SAXO1: variants seen among roughly 807,000 people sequenced by gnomAD.
The protein encoded by SAXO1 is stabilizer of axonemal microtubules 1.
Under a neutral mutation model 17.5 loss-of-function variants are expected in SAXO1, and 21 were observed. That is an observed-to-expected ratio of 1.20 (90% CI 0.85 to 1.72). The LOEUF (loss-of-function observed/expected upper bound fraction) is 1.72. SAXO1 is among the 40% of genes most tolerant of loss of function. The pLI is 0.00. For synonymous variants in SAXO1, 274 were observed against 216.5 expected (o/e 1.27, Z -2.33); for missense variants, 843 against 596.0 (o/e 1.41, Z -4.32).
intron 1 of SAXO1, among the ~76,000 whole-genome samples, chr9:19,029,011 G>A (rs1835640396): frequency 1.3e-5 from 2 of 152,086 alleles, no homozygotes; most frequent in East Asian, 1.9e-4. Flanking sequence ...GGTTTAACCC[G>A]CAGTGAGAAT....
At chr9:19,024,391 A>G (rs370378996) in intron 1 of SAXO1, among the ~76,000 whole-genome samples, 3 of 151,126 alleles carry the variant, frequency 2.0e-5, no homozygotes, top group Admixed American at 6.6e-5. Flanking sequence ...GAACTGAACA[A>G]TGAGAACACA....
chr9:18,971,722 T>C (rs1832949536), intron 1 of SAXO1, among the ~76,000 whole-genome samples: 1 of 152,212 alleles, frequency 6.6e-6, no homozygotes, highest in African/African-American at 2.4e-5. Context: ...TTGTCTCTGA[T>C]TTCACTAATG....
chr9:19,030,982 A>T lies in SAXO1; in HGVS notation c.38+1889T>A, dbSNP rs968911752. On this transcript the variant is annotated intron_variant, in intron 1 of 3. Coordinates refer to ENST00000380534, the MANE Select transcript of SAXO1 (RefSeq NM_153707.4). ...GGAGGAGAAAATACAGGATGAGGAGAGAAGAAAAGGAGAAGAGACACAAGA... is the reference window on the plus strand; with the variant it reads ...GGAGGAGAAAATACAGGATGAGGAGTGAAGAAAAGGAGAAGAGACACAAGA... Among the ~76,000 whole-genome samples, 14 of 152,214 alleles carry T rather than the reference A, an allele frequency of 9.2e-5. 1 individual carries two copies. Among genetic ancestry groups the T allele is most frequent in the Admixed American group, 6.5e-4 (10 of 15,290 alleles).
At chr9:18,933,482 G>C (rs1311294267) in intron 3 of SAXO1, among the ~76,000 whole-genome samples, 1 of 152,168 alleles carries the variant, frequency 6.6e-6, no homozygotes, top group Admixed American at 6.5e-5. Context: ...ACATTTACCA[G>C]TATGCTTTAC....
intron 1 of SAXO1, among the ~76,000 whole-genome samples, chr9:18,973,408 C>T (rs766770987): frequency 6.6e-5 from 10 of 152,222 alleles, no homozygotes; most frequent in Non-Finnish European, 1.3e-4. Context: ...CAGGACACTG[C>T]ATGCCAAGTG....
At chr9:18,996,889 G>C (rs1297879312) in intron 1 of SAXO1, among the ~76,000 whole-genome samples, 1 of 152,118 alleles carries the variant, frequency 6.6e-6, no homozygotes, top group Non-Finnish European at 1.5e-5. Flanking sequence ...AATTGGAAAG[G>C]AAGAGGTAAA....
At chr9:19,011,875 C>G (rs1834749773) in intron 1 of SAXO1, among the ~76,000 whole-genome samples, 1 of 131,536 alleles carries the variant, frequency 7.6e-6, no homozygotes, top group African/African-American at 2.8e-5. Context: ...GAGATGGAGT[C>G]TCATTCTGTC....
At chr9:18,981,832 C>G (rs563518479) in intron 1 of SAXO1, among the ~76,000 whole-genome samples, 2 of 152,288 alleles carry the variant, frequency 1.3e-5, no homozygotes, top group Admixed American at 1.3e-4. Flanking sequence ...AAGGGCCCAC[C>G]GTAAGTGCCA....
At chr9:18,931,277 C>T (rs940558483) in intron 3 of SAXO1, among the ~76,000 whole-genome samples, 1 of 152,154 alleles carries the variant, frequency 6.6e-6, no homozygotes, top group African/African-American at 2.4e-5. Context: ...CAATATGTAG[C>T]GTTTTGCATC....
chr9:18,974,798 C>G (rs1255412025), intron 1 of SAXO1, among the ~76,000 whole-genome samples: 2 of 152,154 alleles, frequency 1.3e-5, no homozygotes, highest in African/African-American at 4.8e-5. Flanking sequence ...TAAGCCATCA[C>G]CATTTGGCAA....
At chr9:19,002,280 A>G (rs1012063595) in intron 1 of SAXO1, among the ~76,000 whole-genome samples, 5 of 152,192 alleles carry the variant, frequency 3.3e-5, no homozygotes, top group African/African-American at 1.2e-4. Context: ...AAAGTCCAGG[A>G]CCAGATGGAT....
chr9:18,950,052 T>G (rs1831967114), intron 2 of SAXO1, among the ~76,000 whole-genome samples: 1 of 151,978 alleles, frequency 6.6e-6, no homozygotes, highest in Non-Finnish European at 1.5e-5. Context: ...AACTGAGTTG[T>G]CCATGGCAGA....
chr9:19,045,166 C>T (rs1836177694), intron 1 of SAXO1, among the ~76,000 whole-genome samples: 1 of 148,296 alleles, frequency 6.7e-6, no homozygotes, highest in Non-Finnish European at 1.5e-5. Flanking sequence ...AAAAATTAGC[C>T]GGGCGCGGTG....
At chr9:19,023,808 GGAAAGGAAA>G (rs1407544518) in intron 1 of SAXO1, among the ~76,000 whole-genome samples, 4 of 151,412 alleles carry the variant, frequency 2.6e-5, no homozygotes, top group Non-Finnish European at 4.4e-5. Context: ...AGGAAAGCAA[GGAAAGGAAA>G]GAAAGGAAGG....
chr9:18,945,429 T>G (rs1390302060), intron 2 of SAXO1, among the ~76,000 whole-genome samples: 2 of 152,234 alleles, frequency 1.3e-5, no homozygotes, highest in African/African-American at 4.8e-5. Context: ...TGTCAGTTGA[T>G]TTGATTGACT....
upstream of SAXO1, among the ~76,000 whole-genome samples, chr9:19,035,983 T>G (rs1411164686): frequency 6.6e-6 from 1 of 152,012 alleles, no homozygotes; most frequent in Non-Finnish European, 1.5e-5. Flanking sequence ...AAGAAAAACC[T>G]TCTCAGCAAA....
At position 18,928,039 on chromosome 9, in the gene SAXO1, C is replaced by G; in HGVS notation, c.*13G>C. ...AAAGTACTGTGTAATTTCTAAATTACTATTTTTCAAAATCAGGCTAACACT... is the reference window on the plus strand; with the variant it reads ...AAAGTACTGTGTAATTTCTAAATTAGTATTTTTCAAAATCAGGCTAACACT... On this transcript the variant is annotated 3_prime_UTR_variant, in exon 4 of 4. Transcript: ENST00000380534. 6.5e-7 allele frequency: 1 copy of G among 1,548,154 alleles called. No homozygotes were observed. The highest frequency in any genetic ancestry group is 8.7e-7 in the Non-Finnish European group (1 of 1,144,528).
At chr9:19,044,955 G>A (rs996422967) in intron 1 of SAXO1, among the ~76,000 whole-genome samples, 3 of 152,088 alleles carry the variant, frequency 2.0e-5, no homozygotes, top group Non-Finnish European at 2.9e-5. Context: ...TCAAGAATCG[G>A]TAGCATCAGT....
chr9:18,951,066 C>A (rs1832018401), intron 1 of SAXO1, 129 bp from the exon 2 acceptor site: 3 of 951,866 alleles, frequency 3.2e-6, no homozygotes, highest in Non-Finnish European at 4.6e-6. Flanking sequence ...AACCAGAATT[C>A]AACGGTTACT....
Sources: gnomAD v4.1 joint callset for allele counts (sites outside exome capture counted in the v4.1 genomes callset) on GRCh38, gnomAD v4.1.1 for gene constraint, MANE v1.5 for transcripts, NCBI Gene and HGNC (gene_info 2026-07-23, HGNC 2026-07-21) for gene names.